PLEKHJ1: variants seen among roughly 807,000 people sequenced by gnomAD.
The protein encoded by PLEKHJ1 is pleckstrin homology domain-containing family J member 1.
Under a neutral mutation model 21.7 loss-of-function variants are expected in PLEKHJ1, and 20 were observed. The observed-to-expected ratio is 0.92, with a 90% CI of 0.65 to 1.34. PLEKHJ1 has a LOEUF of 1.34. Among genes scored for constraint, PLEKHJ1 ranks in the 40% most tolerant of loss-of-function variants. The pLI is 0.00. For missense variants in PLEKHJ1, 241 were observed against 202.0 expected (o/e 1.19, Z -1.17); for synonymous variants, 113 against 80.6 (o/e 1.40, Z -2.15).
chr19:2,234,124 C>A (rs1212821659), intron 4 of PLEKHJ1, 26 bp downstream of exon 4: 1 of 1,612,078 alleles, frequency 6.2e-7, no homozygotes, highest in Non-Finnish European at 8.5e-7. Context: ...CCCACCCCAG[C>A]AGTGCCCACC....
At chr19:2,231,918 A>G (rs894102115), downstream of PLEKHJ1, 1 of 217,412 alleles carries the variant, frequency 4.6e-6, no homozygotes, top group African/African-American at 2.3e-5. Flanking sequence ...CCCAGGCAGA[A>G]GTCTCCTTGA....
At chr19:2,232,339 AC>A, downstream of PLEKHJ1, 1 of 77,714 alleles carries the variant, frequency 1.3e-5, no homozygotes. Flanking sequence ...CAGGCCCCCC[AC>A]CCCCCGCCGA....
At chr19:2,232,286 A>G, downstream of PLEKHJ1, 1 of 196,860 alleles carries the variant, frequency 5.1e-6, no homozygotes, top group Non-Finnish European at 1.0e-5. Context: ...CTTCCCCCTT[A>G]ATTTATCTGC....
Position 2,234,008 on chromosome 19 carries a change from A to T in PLEKHJ1, c.374T>A (p.Val125Glu). Residue 125 changes from valine (V) to glutamate (E), a missense_variant, in exon 5 of 6, where the codon GTG becomes GAG. Val to Glu is a moderately radical substitution (Grantham distance 121). Transcript: ENST00000326631. ...LIFYRNEIRK[V>E]TGKDPLEQFG... ...CAGCCCTGCACACACCTTGCCCGTC[A>T]CCTTCCGGATTTCGTTCCTGTAGAA... 3 of 1,613,138 alleles carry T rather than the reference A, an allele frequency of 1.9e-6. No homozygotes were observed. Among genetic ancestry groups the T allele is most frequent in the Non-Finnish European group, 1.7e-6 (2 of 1,179,924 alleles).
downstream of PLEKHJ1, chr19:2,230,015 T>A: frequency 1.4e-6 from 1 of 707,492 alleles, no homozygotes; most frequent in Non-Finnish European, 2.3e-6. Context: ...TTTTAAAAAG[T>A]ATAAACAATT....
At chr19:2,232,320 A>T (rs2144981715), downstream of PLEKHJ1, 1 of 211,280 alleles carries the variant, frequency 4.7e-6, no homozygotes, top group South Asian at 1.9e-4. Context: ...CAGTCTGTTC[A>T]GTGGTCAGCA....
chr19:2,235,959 C>A lies in PLEKHJ1; in HGVS notation c.126G>T (p.Val42=). 1 of 1,610,410 alleles carries A rather than the reference C, an allele frequency of 6.2e-7. No individual in the cohort carries two copies. The highest frequency in any genetic ancestry group is 8.5e-7 in the Non-Finnish European group (1 of 1,179,068). ...CTGTCCGAAAGTAGAAGAGGAAATTCACCACCAGCTTCACCAGCCGCCGCT... is the reference window on the plus strand; with the variant it reads ...CTGTCCGAAAGTAGAAGAGGAAATTAACCACCAGCTTCACCAGCCGCCGCT... ...VLKRRLVKLV[V]NFLFYFRTDE... Residue 42 remains valine, a synonymous_variant, in exon 2 of 6, where the codon GTG becomes GTT. Coordinates refer to ENST00000326631, the MANE Select transcript of PLEKHJ1 (RefSeq NM_018049.3).
intron 1 of PLEKHJ1, 28 bp from the exon 2 acceptor site, chr19:2,236,018 G>A: frequency 8.8e-6 from 14 of 1,588,606 alleles, no homozygotes; most frequent in Non-Finnish European, 1.0e-5. Flanking sequence ...ACTCAGGGGC[G>A]CAGGCAGCCC....
At chr19:2,234,325 G>C in intron 3 of PLEKHJ1, 85 bp from the exon 4 acceptor site, 1 of 989,056 alleles carries the variant, frequency 1.0e-6, no homozygotes. Context: ...TCCCTTCTCT[G>C]GCCCCCACAA....
At chr19:2,232,060 T>G (rs894025539), downstream of PLEKHJ1, 1 of 209,966 alleles carries the variant, frequency 4.8e-6, no homozygotes, top group Non-Finnish European at 9.7e-6. Context: ...GTGTGGCGGG[T>G]GGCAGGGTGG....
chr19:2,236,303 C>G lies in PLEKHJ1; in HGVS notation c.-55G>C, dbSNP rs1300657641. Reference sequence around the variant, plus strand: ...CGCCCTCCCGGCCGCCGTCCCCGCTCAGGCTGGGGCCGGCGCCAAAAATGT... The same window carrying G: ...CGCCCTCCCGGCCGCCGTCCCCGCTGAGGCTGGGGCCGGCGCCAAAAATGT... On this transcript the variant is annotated 5_prime_UTR_variant, in exon 1 of 6. Transcript: ENST00000326631. 2.6e-6 allele frequency: 3 copies of G among 1,161,930 alleles called. No homozygotes were observed. Among genetic ancestry groups the G allele is most frequent in the African/African-American group, 3.2e-5 (2 of 61,722 alleles). 72.0% of individuals were successfully genotyped at this position (1,161,930 alleles called of 1,614,324 possible). A position where few individuals can be genotyped will look rare whatever the true frequency, so the allele number is the denominator to read the frequency against.
chr19:2,234,058 G>A lies in PLEKHJ1; in HGVS notation c.324C>T (p.Tyr108=), dbSNP rs372583269. 12 of 1,613,376 alleles carry A rather than the reference G, an allele frequency of 7.4e-6. No homozygotes were observed. The highest frequency in any genetic ancestry group is 1.3e-5 in the African/African-American group (1 of 74,902). The change falls in exon 5 of 6, where the codon TAC becomes TAT. Residue 108 remains tyrosine, a synonymous_variant. Coordinates refer to ENST00000326631, the MANE Select transcript of PLEKHJ1 (RefSeq NM_018049.3). The part of the protein sequence containing the change: ...EWMEALRRAS[Y]EFMRRSLIFY... ...AGATGAGGCTTCTCCGCATGAACTC[G>A]TAGCTGGGGAAAAGGGTGGCACGGG... is the stretch of plus-strand genomic sequence containing the variant.
At chr19:2,230,004 T>G, downstream of PLEKHJ1, 4 of 753,390 alleles carry the variant, frequency 5.3e-6, no homozygotes, top group Non-Finnish European at 6.3e-6. Flanking sequence ...TATTTATCAT[T>G]TTTTAAAAAG....
chr19:2,234,273 C>T, intron 3 of PLEKHJ1, 33 bp from the exon 4 acceptor site: 14 of 1,545,254 alleles, frequency 9.1e-6, no homozygotes, highest in Non-Finnish European at 1.2e-5. Flanking sequence ...CGGTCCTACC[C>T]ACAGCCACAA....
Position 2,234,230 on chromosome 19 carries a change from C to T in PLEKHJ1, c.240G>A (p.Glu80=), listed in dbSNP as rs201482363. The T allele has an allele frequency of 2.5e-6, 4 of 1,612,588 alleles. No individual in the cohort carries two copies. Among genetic ancestry groups the T allele is most frequent in the Non-Finnish European group, 3.4e-6 (4 of 1,179,588 alleles). The stretch of plus-strand genomic sequence containing the variant: ...CAAAGTGATACTTCCTCTCAGGGTC[C>T]TCAATGAAGCCTGGGGATGGAACAC... ...EPGTFSISFI[E]DPERKYHFEC... is the part of the protein sequence containing the mutation. The change falls in exon 4 of 6, where the codon GAG becomes GAA. Residue 80 remains glutamate, a synonymous_variant. Transcript: ENST00000326631.
chr19:2,232,753 G>A (rs2024658642), downstream of PLEKHJ1, among the ~76,000 whole-genome samples: 2 of 151,982 alleles, frequency 1.3e-5, no homozygotes, highest in Non-Finnish European at 2.9e-5. Context: ...AGGCTTATGA[G>A]GGCACCAGGC....
In PLEKHJ1 at chr19:2,233,481, G is replaced by A. The variant is rs1226693443; in HGVS notation, c.*359C>T. On this transcript the variant is annotated 3_prime_UTR_variant, in exon 6 of 6. Transcript: ENST00000326631. ...TAGGTGGATCCTGGGGCCCCAGGGAGCGCAGCTTGCTGGGCAGTTTCATAA... is the reference window on the plus strand; with the variant it reads ...TAGGTGGATCCTGGGGCCCCAGGGAACGCAGCTTGCTGGGCAGTTTCATAA... 2 of 299,048 alleles carry A rather than the reference G, an allele frequency of 6.7e-6. No homozygotes were observed. Among genetic ancestry groups the A allele is most frequent in the Non-Finnish European group, 6.3e-6 (1 of 159,458 alleles). 18.5% of individuals were successfully genotyped at this position (299,048 alleles called of 1,614,324 possible). A position where few individuals can be genotyped will look rare whatever the true frequency, so the allele number is the denominator to read the frequency against.
Sources: allele counts gnomAD v4.1 joint callset (sites outside exome capture counted in the v4.1 genomes callset), GRCh38; gene constraint gnomAD v4.1.1; transcripts MANE v1.5; gene names NCBI Gene and HGNC (gene_info 2026-07-23, HGNC 2026-07-21).